The following DIS3L2 variants were observed in gnomAD, a reference collection of about 807,000 sequenced individuals.
DIS3L2 encodes DIS3 like 3'-5' exoribonuclease 2, also known as DIS3-like exonuclease 2.
In DIS3L2, 34 loss-of-function variants were observed where a neutral mutation model predicts 97.5. That is an observed-to-expected ratio of 0.35 (90% CI 0.27 to 0.46). The LOEUF is 0.46. Among genes scored for constraint, DIS3L2 ranks in the 20% least tolerant of loss-of-function variants. The probability of loss-of-function intolerance (pLI) is 1.00; values close to 1 mark genes in which losing one functional copy is unlikely to be tolerated. For missense variants in DIS3L2, 1,038 were observed against 1,146.0 expected, an observed-to-expected ratio of 0.91 and a Z score of 1.36; for synonymous variants, 435 against 445.2, an observed-to-expected ratio of 0.98 and a Z score of 0.29.
At chr2:231,972,313 A>C (rs1452809617) in intron 1 of DIS3L2, among the ~76,000 whole-genome samples, 2 of 152,250 alleles carry the variant, frequency 1.3e-5, no homozygotes, top group Non-Finnish European at 2.9e-5. Context: ...TACTGTATGT[A>C]ATTGTATCTG....
rs777394342 is a variant in DIS3L2, at chr2:232,136,527, T to G, written c.758T>G (p.Leu253Arg). Residue 253 changes from leucine (L) to arginine (R), a missense_variant, in exon 8 of 21, where the codon CTC becomes CGC. Coordinates refer to ENST00000325385, the MANE Select transcript of DIS3L2 (RefSeq NM_152383.5). Reference sequence around the variant, plus strand: ...CGAGCAGCAACCGGCTTCCTCAAACTCTTGGCTGATAAGAACAGCGAACTG... The same window carrying G: ...CGAGCAGCAACCGGCTTCCTCAAACGCTTGGCTGATAAGAACAGCGAACTG... ...HSRAATGFLK[L>R]LADKNSELFR... 3.1e-6 allele frequency: 5 copies of G among 1,613,930 alleles called. No homozygotes were observed. The African/African-American group carries it at 4.0e-5, about 13-fold the overall frequency.
intron 8 of DIS3L2, among the ~76,000 whole-genome samples, chr2:232,163,021 T>C (rs1307871053): frequency 6.6e-6 from 1 of 152,206 alleles, no homozygotes; most frequent in Non-Finnish European, 1.5e-5. Context: ...GATAAAATAT[T>C]TTAAAATTTT....
At chr2:232,212,392 G>A (rs1692216065) in intron 10 of DIS3L2, among the ~76,000 whole-genome samples, 1 of 152,160 alleles carries the variant, frequency 6.6e-6, no homozygotes, top group Non-Finnish European at 1.5e-5. Flanking sequence ...AATAGCAGAC[G>A]GATACATCTA....
At chr2:232,172,807 C>A in intron 9 of DIS3L2, 1 of 531,422 alleles carries the variant, frequency 1.9e-6, no homozygotes. Flanking sequence ...GTGATTATAG[C>A]CATCATTGTA....
In DIS3L2 at chr2:232,276,634, C is replaced by A. The variant is rs746669394; in HGVS notation, c.1659+13194C>A. Among the ~76,000 whole-genome samples, 1 of 152,182 alleles carries A rather than the reference C, an allele frequency of 6.6e-6. No individual in the cohort carries two copies. The highest frequency in any genetic ancestry group is 1.5e-5 in the Non-Finnish European group (1 of 68,026). ...TCAGCTCTCCTGTTGCTACCAGCTT[C>A]CAGTCAATGACTGTTTATTTGAACA... is the stretch of plus-strand genomic sequence containing the variant. On this transcript the variant is annotated intron_variant, in intron 13 of 20. Coordinates refer to ENST00000325385, the MANE Select transcript of DIS3L2 (RefSeq NM_152383.5). This position sits in a 1 kb window ranked among gnomAD's most constrained non-coding sequence, Gnocchi z 4.4.
At position 232,168,569 on chromosome 2, in the gene DIS3L2, G is replaced by C. The variant is rs114639027; in HGVS notation, c.1124+4937G>C. Among the ~76,000 whole-genome samples the C allele has an allele frequency of 5.4e-3, 826 of 152,154 alleles. 3 individuals are homozygous for C. The highest frequency in any genetic ancestry group is 9.4e-3 in the African/African-American group (391 of 41,490). On this transcript the variant is annotated intron_variant, in intron 9 of 20. Coordinates refer to ENST00000325385, the MANE Select transcript of DIS3L2 (RefSeq NM_152383.5). Reference sequence around the variant, plus strand: ...CAATATCCATAAATCCATGTATCTGGGCATGAGTAAAGACCCATTATTTGC... The same window carrying C: ...CAATATCCATAAATCCATGTATCTGCGCATGAGTAAAGACCCATTATTTGC...
chr2:231,986,660 T>C (rs1031523291), intron 1 of DIS3L2, among the ~76,000 whole-genome samples: 2 of 152,178 alleles, frequency 1.3e-5, no homozygotes, highest in Non-Finnish European at 2.9e-5. Flanking sequence ...AAAGAAGCTT[T>C]TATTATTATC....
intron 1 of DIS3L2, among the ~76,000 whole-genome samples, chr2:231,962,960 AT>A (rs35614398): frequency 3.4e-5 from 5 of 148,990 alleles, no homozygotes; most frequent in Admixed American, 6.7e-5. Context: ...GTACATCCAC[AT>A]TTTTTTTTTC....
chr2:232,258,598 CA>C (rs35525137), intron 12 of DIS3L2, among the ~76,000 whole-genome samples: 16,036 of 74,248 alleles, frequency 0.22, 423 homozygotes, highest in African/African-American at 0.24. Flanking sequence ...GACTCTGTCT[CA>C]AAAAAAAAAA....
At chr2:232,102,886 T>C (rs1339362052) in intron 6 of DIS3L2, among the ~76,000 whole-genome samples, 1 of 152,174 alleles carries the variant, frequency 6.6e-6, no homozygotes, top group Non-Finnish European at 1.5e-5. Context: ...GGGTCTTTTT[T>C]CTAAAAATTA....
Position 232,262,953 on chromosome 2 carries a change from G to A in DIS3L2, c.1426-254G>A, listed in dbSNP as rs569338690. On this transcript the variant is annotated intron_variant, in intron 12 of 20. Coordinates refer to ENST00000325385, the MANE Select transcript of DIS3L2 (RefSeq NM_152383.5). ...AGCATGCCTTGCCTGTGCCACTGGT[G>A]TGCTTGGGGACCGTCCATAGGTGTC... Among the ~76,000 whole-genome samples the A allele has an allele frequency of 3.8e-4, 58 of 152,292 alleles. 1 individual carries two copies. In the South Asian group the frequency reaches 0.012, roughly 32 times the overall value.
chr2:232,156,330 C>T (rs1690492620), intron 8 of DIS3L2, among the ~76,000 whole-genome samples: 1 of 152,086 alleles, frequency 6.6e-6, no homozygotes. Flanking sequence ...TTACTTATTC[C>T]TTATGCACTT....
At chr2:232,134,247 C>T (rs1040313318) in intron 7 of DIS3L2, among the ~76,000 whole-genome samples, 2 of 151,962 alleles carry the variant, frequency 1.3e-5, no homozygotes, top group Non-Finnish European at 2.9e-5. Flanking sequence ...AGGAGAGGAT[C>T]AAGAGACTGA....
intron 9 of DIS3L2, among the ~76,000 whole-genome samples, chr2:232,202,152 C>T (rs372685755): frequency 6.6e-6 from 1 of 152,186 alleles, no homozygotes; most frequent in South Asian, 2.1e-4. Flanking sequence ...GTAATCCCAG[C>T]ACTTTGGGAG....
chr2:232,336,362 A>G, intron 20 of DIS3L2, 107 bp from the exon 21 acceptor site: 1 of 1,548,360 alleles, frequency 6.5e-7, no homozygotes, highest in African/African-American at 1.4e-5. Flanking sequence ...AGAGGCTTCC[A>G]GAGGCCGAAG....
At chr2:232,315,199 G>A (rs1241701634) in intron 14 of DIS3L2, among the ~76,000 whole-genome samples, 2 of 152,118 alleles carry the variant, frequency 1.3e-5, no homozygotes, top group Admixed American at 6.5e-5. Context: ...TGGGGTGAGC[G>A]CCTCCAGCCC....
intron 10 of DIS3L2, among the ~76,000 whole-genome samples, chr2:232,227,745 T>G (rs1231882284): frequency 6.6e-6 from 1 of 152,242 alleles, no homozygotes; most frequent in Admixed American, 6.5e-5. Flanking sequence ...TATAAAGCAG[T>G]GAGCTTTTGC....
rs372050550 is a variant in DIS3L2 at position 232,249,286 on chromosome 2, C to T, written c.1365C>T (p.Leu455=). 9 of 1,614,206 alleles carry T rather than the reference C, an allele frequency of 5.6e-6. No individual in the cohort carries two copies. The highest frequency in any genetic ancestry group is 1.7e-5 in the Admixed American group (1 of 60,024). ...TGCTGTGTGAGGAGCTGTGCAGCCT[C>T]AACCCCATGTCCGACAAGCTGACCT... ...PRLLCEELCS[L]NPMSDKLTFS... Residue 455 remains leucine (L), a synonymous_variant, in exon 12 of 21, where the codon CTC becomes CTT. Coordinates refer to ENST00000325385, the MANE Select transcript of DIS3L2 (RefSeq NM_152383.5).
Position 232,122,719 on chromosome 2 carries a change from A to G in DIS3L2, c.602-7900A>G, listed in dbSNP as rs542189328. Among the ~76,000 whole-genome samples, 1,262 of 148,918 alleles carry G rather than the reference A, an allele frequency of 8.5e-3. 12 individuals are homozygous for G. The highest frequency in any genetic ancestry group is 0.028 in the Middle Eastern group (8 of 290). ...GTCGACAGAGCAAGACTCCATCTCAAAAACAAAAAACAAAAACAAAACTCC... is the reference window on the plus strand; with the variant it reads ...GTCGACAGAGCAAGACTCCATCTCAGAAACAAAAAACAAAAACAAAACTCC... On this transcript the variant is annotated intron_variant, in intron 6 of 20. Transcript: ENST00000325385.
Sources: allele counts gnomAD v4.1 joint callset (sites outside exome capture counted in the v4.1 genomes callset), GRCh38; gene constraint gnomAD v4.1.1; non-coding constraint Gnocchi (gnomAD v3.1); transcripts MANE v1.5; gene names NCBI Gene and HGNC (gene_info 2026-07-23, HGNC 2026-07-21).